Variants in ITGB1BP1 observed in about 807,000 individuals in gnomAD.
ITGB1BP1 encodes integrin subunit beta 1 binding protein 1.
Under a neutral mutation model 28.0 loss-of-function variants are expected in ITGB1BP1, and 20 were observed. That is an observed-to-expected ratio of 0.71 (90% CI 0.50 to 1.04). The LOEUF (loss-of-function observed/expected upper bound fraction) is 1.04. Ranked by LOEUF, ITGB1BP1 falls within the 50% of genes least tolerant of loss-of-function variation. The pLI is 0.00. For synonymous variants in ITGB1BP1, 103 were observed against 89.5 expected (o/e 1.15, Z -0.85); for missense variants, 228 against 242.5 (o/e 0.94, Z 0.40).
intron 4 of ITGB1BP1, among the ~76,000 whole-genome samples, chr2:9,409,743 T>G (rs1209275100): frequency 6.6e-6 from 1 of 151,988 alleles, no homozygotes; most frequent in Non-Finnish European, 1.5e-5. Context: ...AACCAATCAA[T>G]GAGGTTACGT....
chr2:9,404,864 A>G lies in ITGB1BP1; in HGVS notation c.*1970T>C, dbSNP rs931540204. On this transcript the variant is annotated 3_prime_UTR_variant, in exon 7 of 7. Coordinates refer to ENST00000355346, the MANE Select transcript of ITGB1BP1 (RefSeq NM_004763.5). ...TCAAAGTTCCGGGTAAAAATGTGTTATATCTGTAGTTTTTTGTTTTTGTTT... is the reference window on the plus strand; with the variant it reads ...TCAAAGTTCCGGGTAAAAATGTGTTGTATCTGTAGTTTTTTGTTTTTGTTT... 2 of 152,242 alleles carry G rather than the reference A, an allele frequency of 1.3e-5. No homozygotes were observed. Among genetic ancestry groups the G allele is most frequent in the Admixed American group, 6.6e-5 (1 of 15,236 alleles). 9.4% of individuals were successfully genotyped at this position (152,242 alleles called of 1,614,324 possible).
Position 9,404,080 on chromosome 2 carries a change from A to T in ITGB1BP1, c.*2754T>A, listed in dbSNP as rs1386435457. The T allele has an allele frequency of 6.6e-6, 1 of 152,250 alleles. No individual in the cohort carries two copies. Among genetic ancestry groups the T allele is most frequent in the Non-Finnish European group, 1.5e-5 (1 of 68,056 alleles). 9.4% of individuals were successfully genotyped at this position (152,250 alleles called of 1,614,324 possible). A position where few individuals can be genotyped will look rare whatever the true frequency, so the allele number is the denominator to read the frequency against. ...ATGGATTGCAAAACAGTTCTTTTAAATTAGTTTATATGCTTTAGGTGTTTT... is the reference window on the plus strand; with the variant it reads ...ATGGATTGCAAAACAGTTCTTTTAATTTAGTTTATATGCTTTAGGTGTTTT... On this transcript the variant is annotated 3_prime_UTR_variant, in exon 7 of 7. Coordinates refer to ENST00000355346, the MANE Select transcript of ITGB1BP1 (RefSeq NM_004763.5).
chr2:9,419,930 A>G, intron 1 of ITGB1BP1: 1 of 379,288 alleles, frequency 2.6e-6, no homozygotes, highest in Non-Finnish European at 3.6e-6. Context: ...GAATAAGATA[A>G]CCTGATCAAT....
At chr2:9,407,159 G>C (rs551831761) in intron 6 of ITGB1BP1, 7 of 597,576 alleles carry the variant, frequency 1.2e-5, no homozygotes, top group Non-Finnish European at 3.0e-6. Context: ...GGGCAACAAC[G>C]TTCGGAAATG....
At chr2:9,413,544 A>G (rs1411502335) in intron 3 of ITGB1BP1, among the ~76,000 whole-genome samples, 3 of 151,994 alleles carry the variant, frequency 2.0e-5, no homozygotes, top group East Asian at 1.9e-4. Flanking sequence ...TGGCCAGGCT[A>G]GTCTCAAACT....
chr2:9,422,686 C>A, intron 1 of ITGB1BP1: 1 of 985,622 alleles, frequency 1.0e-6, no homozygotes, highest in Non-Finnish European at 1.2e-6. Flanking sequence ...CTTACTGAAG[C>A]CGAGAACTTT....
At position 9,423,200 on chromosome 2, in the gene ITGB1BP1, CG is replaced by C. The variant is rs1680116263; in HGVS notation, c.-36+172del. On this transcript the variant is annotated intron_variant, in intron 1 of 6. Transcript: ENST00000355346. ...CTGCGTGGTTCCAAGCTCCTCCACC[CG>C]CGCCCCGGGAGCGCGGCCCCGCCCG... 3 of 1,073,660 alleles carry C rather than the reference CG, an allele frequency of 2.8e-6. No individual in the cohort carries two copies. The South Asian group carries it at 6.2e-5, about 22-fold the overall frequency. The allele number at this position is 1,073,660 out of a possible 1,614,324, so 66.5% of individuals were successfully genotyped here. A position where few individuals can be genotyped will look rare whatever the true frequency, so the allele number is the denominator to read the frequency against.
intron 1 of ITGB1BP1, chr2:9,423,130 G>A (rs1680103256): frequency 3.0e-6 from 3 of 1,009,800 alleles, no homozygotes; most frequent in Non-Finnish European, 3.6e-6. Flanking sequence ...CCCCTCCGGG[G>A]CGACAGCGGC....
intron 5 of ITGB1BP1, 120 bp downstream of exon 5, chr2:9,407,992 AG>A: frequency 1.5e-6 from 1 of 652,314 alleles, no homozygotes; most frequent in East Asian, 2.7e-5. Flanking sequence ...ACCAACTGCC[AG>A]GAATGTTTAC....
At chr2:9,407,311 G>A (rs962953256) in intron 6 of ITGB1BP1, 138 bp downstream of exon 6, 91 of 968,574 alleles carry the variant, frequency 9.4e-5, no homozygotes, top group South Asian at 3.0e-4. Context: ...GCTGACCTCC[G>A]GCCTAATATT....
chr2:9,423,381 C>A lies in ITGB1BP1; in HGVS notation c.-44G>T. On this transcript the variant is annotated 5_prime_UTR_variant, in exon 1 of 7. Transcript: ENST00000355346. ...GAGGGCTGGGCGCTCACCTCGCAGC[C>A]GCGGGCCCATCCCCGGGTTGCGGAC... The A allele has an allele frequency of 8.7e-7, 1 of 1,147,672 alleles. No individual in the cohort carries two copies. The highest frequency in any genetic ancestry group is 1.1e-6 in the Non-Finnish European group (1 of 921,958). The allele number at this position is 1,147,672 out of a possible 1,614,324, so 71.1% of individuals were successfully genotyped here. A position where few individuals can be genotyped will look rare whatever the true frequency, so the allele number is the denominator to read the frequency against.
rs1446076136 is a variant in ITGB1BP1, at chr2:9,404,860, T to C, written c.*1974A>G. 1 of 152,538 alleles carries C rather than the reference T, an allele frequency of 6.6e-6. No homozygotes were observed. 9.4% of individuals were successfully genotyped at this position (152,538 alleles called of 1,614,324 possible). A position where few individuals can be genotyped will look rare whatever the true frequency, so the allele number is the denominator to read the frequency against. Reference sequence around the variant, plus strand: ...CCTTTCAAAGTTCCGGGTAAAAATGTGTTATATCTGTAGTTTTTTGTTTTT... The same window carrying C: ...CCTTTCAAAGTTCCGGGTAAAAATGCGTTATATCTGTAGTTTTTTGTTTTT... On this transcript the variant is annotated 3_prime_UTR_variant, in exon 7 of 7. Transcript: ENST00000355346.
intron 1 of ITGB1BP1, chr2:9,423,004 G>A: frequency 1.0e-6 from 1 of 989,660 alleles, no homozygotes; most frequent in Non-Finnish European, 1.2e-6. Context: ...CAAGCGCTGG[G>A]TGCGGAGGAT....
At chr2:9,418,123 T>A (rs1360174183) in intron 2 of ITGB1BP1, among the ~76,000 whole-genome samples, 1 of 152,206 alleles carries the variant, frequency 6.6e-6, no homozygotes, top group Non-Finnish European at 1.5e-5. Flanking sequence ...TATCTGTCAG[T>A]CAAAATGAAA....
At chr2:9,413,478 G>A (rs1263119450) in intron 3 of ITGB1BP1, among the ~76,000 whole-genome samples, 3 of 151,928 alleles carry the variant, frequency 2.0e-5, no homozygotes, top group Admixed American at 6.6e-5. Context: ...ACAAGCATGC[G>A]CCACCACGCC....
At position 9,405,987 on chromosome 2, in the gene ITGB1BP1, C is replaced by T. The variant is rs1414682838; in HGVS notation, c.*847G>A. 6.6e-6 allele frequency: 1 copy of T among 152,292 alleles called. No individual in the cohort carries two copies. Among genetic ancestry groups the T allele is most frequent in the Non-Finnish European group, 1.5e-5 (1 of 68,074 alleles). 9.4% of individuals were successfully genotyped at this position (152,292 alleles called of 1,614,324 possible). ...GCCAGTGATACCATGACTGGGAAGC[C>T]ACCACTGAGCCCATGTCCTCAGTCT... On this transcript the variant is annotated 3_prime_UTR_variant, in exon 7 of 7. Transcript: ENST00000355346.
In ITGB1BP1 at chr2:9,414,192, GA is replaced by G; in HGVS notation, c.136del (p.Ser46ProfsTer20). ...CTTTTATGTACCTGAGCTTTTGGTGGAATCTGTGTCGAGGCTGGCCACAGTG... is the reference window on the plus strand; with the variant it reads ...CTTTTATGTACCTGAGCTTTTGGTGGATCTGTGTCGAGGCTGGCCACAGTG... ...SSTVASLDTD[S>X]TKSSGQSNNN... is the part of the protein sequence containing the mutation. On this transcript the variant is annotated frameshift_variant, in exon 3 of 7. Transcript: ENST00000355346. LOFTEE classifies it high-confidence loss of function. 1 of 1,613,752 alleles carries G rather than the reference GA, an allele frequency of 6.2e-7. No homozygotes were observed. Among genetic ancestry groups the G allele is most frequent in the Non-Finnish European group, 8.5e-7 (1 of 1,179,676 alleles).
In ITGB1BP1 at chr2:9,412,325, C is replaced by T. The variant is rs780654661; in HGVS notation, c.232G>A (p.Glu78Lys). The change falls in exon 4 of 7, where the codon GAG becomes AAG. Residue 78 changes from glutamate to lysine, a missense_variant. By Grantham distance (56) the Glu-to-Lys change is moderately conservative (BLOSUM62 1). This residue lies in a region of ITGB1BP1 where 192 missense variants were observed against 181.6 expected (regional missense o/e 1.06). Coordinates refer to ENST00000355346, the MANE Select transcript of ITGB1BP1 (RefSeq NM_004763.5). ...VGAIEKLKLS[E>K]GKGLEGPLDL... ...AATGGCCCTTCAAGGCCTTTTCCCT[C>T]GGAGAGTTTCAGTTTCTCAATGGCA... 3.3e-5 allele frequency: 54 copies of T among 1,612,384 alleles called. No individual in the cohort carries two copies. Among genetic ancestry groups the T allele is most frequent in the Middle Eastern group, 1.6e-4 (1 of 6,084 alleles).
chr2:9,407,389 G>C, intron 6 of ITGB1BP1, 60 bp downstream of exon 6: 1 of 1,575,792 alleles, frequency 6.3e-7, no homozygotes, highest in Non-Finnish European at 8.7e-7. Flanking sequence ...TTCAAAAACA[G>C]TAGTCCCTGG....
Sources: gnomAD v4.1 joint callset for allele counts (sites outside exome capture counted in the v4.1 genomes callset) on GRCh38, gnomAD v4.1.1 for gene constraint, gnomAD v4.1.1 regional missense constraint, MANE v1.5 for transcripts, NCBI Gene and HGNC (gene_info 2026-07-23, HGNC 2026-07-21) for gene names.